Variants in PPM1H observed in about 807,000 individuals in gnomAD.
PPM1H encodes protein phosphatase 1H.
PPM1H carries 27 observed loss-of-function variants against 54.9 expected under a neutral mutation model. That is an observed-to-expected ratio of 0.49 (90% CI 0.36 to 0.68). The LOEUF (loss-of-function observed/expected upper bound fraction) is 0.68. PPM1H is among the 30% of genes least tolerant of loss of function. PPM1H has a pLI of 0.00. For synonymous variants in PPM1H, 305 were observed against 270.8 expected (o/e 1.13, Z -1.24); for missense variants, 596 against 667.8 (o/e 0.89, Z 1.19).
At chr12:62,755,846 A>T (rs1048329310) in intron 4 of PPM1H, 10 of 791,540 alleles carry the variant, frequency 1.3e-5, no homozygotes, top group Non-Finnish European at 2.3e-5. Flanking sequence ...CCAGAACATC[A>T]TCCCTGCCTC....
chr12:62,753,077 G>A (rs2076450917), intron 4 of PPM1H, among the ~76,000 whole-genome samples: 1 of 152,180 alleles, frequency 6.6e-6, no homozygotes, highest in Non-Finnish European at 1.5e-5. Context: ...ATGTCTATAT[G>A]CTAGTTAAAT....
chr12:62,797,726 T>C (rs1449412054), intron 3 of PPM1H, among the ~76,000 whole-genome samples: 1 of 152,142 alleles, frequency 6.6e-6, no homozygotes, highest in Non-Finnish European at 1.5e-5. Context: ...CTGGTATAAT[T>C]TCTGTGCTGT....
At chr12:62,882,682 C>A (rs184707281) in intron 1 of PPM1H, among the ~76,000 whole-genome samples, 1 of 152,302 alleles carries the variant, frequency 6.6e-6, no homozygotes, top group Non-Finnish European at 1.5e-5. Flanking sequence ...AAGGGCAAAC[C>A]CAAACCCGGG....
At chr12:62,878,070 T>C (rs2121031480) in intron 1 of PPM1H, among the ~76,000 whole-genome samples, 1 of 152,256 alleles carries the variant, frequency 6.6e-6, no homozygotes, top group South Asian at 2.1e-4. Flanking sequence ...GCTAATTTTT[T>C]GTATTTTTAG....
At chr12:62,842,656 G>T (rs148388138) in intron 1 of PPM1H, among the ~76,000 whole-genome samples, 38 of 152,274 alleles carry the variant, frequency 2.5e-4, no homozygotes, top group African/African-American at 9.1e-4. Flanking sequence ...TTATACAGAA[G>T]GGGACTGTTA....
chr12:62,814,734 T>G (rs2076855525), intron 2 of PPM1H, among the ~76,000 whole-genome samples: 1 of 152,210 alleles, frequency 6.6e-6, no homozygotes, highest in East Asian at 1.9e-4. Context: ...AAATCCCACT[T>G]TGAGTGACAT....
At chr12:62,670,765 G>A (rs1181037223) in intron 8 of PPM1H, among the ~76,000 whole-genome samples, 1 of 152,036 alleles carries the variant, frequency 6.6e-6, no homozygotes, top group Non-Finnish European at 1.5e-5. Context: ...TCTCAAGACC[G>A]TTCTTCATGT....
chr12:62,757,626 G>A (rs887477722), intron 4 of PPM1H, among the ~76,000 whole-genome samples: 1 of 152,094 alleles, frequency 6.6e-6, no homozygotes, highest in Non-Finnish European at 1.5e-5. Flanking sequence ...TGTCTTTCTT[G>A]GGGCAAGTTT....
intron 1 of PPM1H, among the ~76,000 whole-genome samples, chr12:62,855,149 A>C (rs950739146): frequency 6.6e-6 from 1 of 152,204 alleles, no homozygotes; most frequent in African/African-American, 2.4e-5. Flanking sequence ...TAGGGTGACC[A>C]GCTATCCCAG....
intron 2 of PPM1H, among the ~76,000 whole-genome samples, chr12:62,831,204 A>G (rs192152509): frequency 6.6e-6 from 1 of 152,356 alleles, no homozygotes; most frequent in African/African-American, 2.4e-5. Flanking sequence ...ATCTTTTAAA[A>G]TCCTATGAAA....
chr12:62,647,628 C>T lies in PPM1H; in HGVS notation c.*861G>A, dbSNP rs1298792229. 4 of 152,210 alleles carry T rather than the reference C, an allele frequency of 2.6e-5. No homozygotes were observed. The East Asian group carries it at 7.7e-4, about 29-fold the overall frequency. The allele number at this position is 152,210 out of a possible 1,614,324, so 9.4% of individuals were successfully genotyped here. ...AGCCACACAGGAAGACCACTGAAGACAACAGAGGAACTACTGGTCCACAGA... is the reference window on the plus strand; with the variant it reads ...AGCCACACAGGAAGACCACTGAAGATAACAGAGGAACTACTGGTCCACAGA... On this transcript the variant is annotated 3_prime_UTR_variant, in exon 10 of 10. Coordinates refer to ENST00000228705, the MANE Select transcript of PPM1H (RefSeq NM_020700.2).
intron 1 of PPM1H, among the ~76,000 whole-genome samples, chr12:62,909,852 C>T (rs2449866): frequency 0.33 from 49,861 of 152,150 alleles, 9,857 homozygotes; most frequent in Non-Finnish European, 0.45. Context: ...CAAAAGAATG[C>T]GTCTCAAAGT....
rs1006668370 is a variant in PPM1H, at chr12:62,647,552, G to A, written c.*937C>T. The A allele has an allele frequency of 6.6e-6, 1 of 152,204 alleles. No individual in the cohort carries two copies. Among genetic ancestry groups the A allele is most frequent in the Non-Finnish European group, 1.5e-5 (1 of 68,084 alleles). The allele number at this position is 152,204 out of a possible 1,614,324, so 9.4% of individuals were successfully genotyped here. A position where few individuals can be genotyped will look rare whatever the true frequency, so the allele number is the denominator to read the frequency against. On this transcript the variant is annotated 3_prime_UTR_variant, in exon 10 of 10. Transcript: ENST00000228705. Reference sequence around the variant, plus strand: ...TCCCCATGATACAGAAAAGTGGGATGGGGCCAGCCATTCCAGAAATGAAAA... The same window carrying A: ...TCCCCATGATACAGAAAAGTGGGATAGGGCCAGCCATTCCAGAAATGAAAA...
rs370953807 is a variant in PPM1H, at chr12:62,720,212, A to G, written c.1032T>C (p.Leu344=). The part of the protein sequence containing the change: ...EFPRRVQRKE[L]GKKMLYRDFN... The stretch of plus-strand genomic sequence containing the variant: ...AGTCCCTGTAGAGCATCTTCTTTCC[A>G]AGCTCCTTTCTCTGTACTCTCCTTG... Residue 344 remains leucine, a synonymous_variant, in exon 6 of 10, where the codon CTT becomes CTC. Coordinates refer to ENST00000228705, the MANE Select transcript of PPM1H (RefSeq NM_020700.2). 1 of 1,613,534 alleles carries G rather than the reference A, an allele frequency of 6.2e-7. No individual in the cohort carries two copies. The highest frequency in any genetic ancestry group is 2.2e-5 in the East Asian group (1 of 44,888).
chr12:62,925,889 AT>A (rs1871957455), intron 1 of PPM1H, among the ~76,000 whole-genome samples: 1 of 152,198 alleles, frequency 6.6e-6, no homozygotes, highest in Middle Eastern at 3.2e-3. Flanking sequence ...CTATTTGGTC[AT>A]TTCATCTGTC....
intron 3 of PPM1H, among the ~76,000 whole-genome samples, chr12:62,793,677 T>C (rs36126385): frequency 0.07 from 9,684 of 138,832 alleles, 334 homozygotes; most frequent in African/African-American, 0.098. Flanking sequence ...TGAGCCCAGA[T>C]CGCGCCAAGC....
chr12:62,652,049 A>C (rs930951590), intron 9 of PPM1H, among the ~76,000 whole-genome samples: 1 of 152,190 alleles, frequency 6.6e-6, no homozygotes, highest in African/African-American at 2.4e-5. Flanking sequence ...CTCAATGATC[A>C]TTAATTTCTT....
intron 9 of PPM1H, among the ~76,000 whole-genome samples, chr12:62,661,177 G>A (rs543226148): frequency 1.3e-5 from 2 of 152,168 alleles, no homozygotes; most frequent in East Asian, 3.9e-4. Flanking sequence ...CCTCGCTCCT[G>A]TTTATTCTTC....
chr12:62,874,341 G>T (rs1193161264), intron 1 of PPM1H, among the ~76,000 whole-genome samples: 2 of 152,206 alleles, frequency 1.3e-5, no homozygotes, highest in South Asian at 4.2e-4. Context: ...AACAAAGCTT[G>T]GTTGTTAAAT....
Sources: gnomAD v4.1 joint callset for allele counts (sites outside exome capture counted in the v4.1 genomes callset) on GRCh38, gnomAD v4.1.1 for gene constraint, MANE v1.5 for transcripts, NCBI Gene and HGNC (gene_info 2026-07-23, HGNC 2026-07-21) for gene names.